The following DUSP14 variants were observed in gnomAD, a reference collection of about 807,000 sequenced individuals.
DUSP14 encodes dual specificity protein phosphatase 14.
In DUSP14, 5 loss-of-function variants were observed where a neutral mutation model predicts 13.2. The observed-to-expected ratio is 0.38, with a 90% confidence interval of 0.20 to 0.80. The LOEUF (loss-of-function observed/expected upper bound fraction) is 0.80. Ranked by LOEUF, DUSP14 falls within the 30% of genes least tolerant of loss-of-function variation. DUSP14 has a pLI of 0.44. For missense variants in DUSP14, 185 were observed against 264.0 expected, an observed-to-expected ratio of 0.70 and a Z score of 2.07; for synonymous variants, 91 against 103.4, an observed-to-expected ratio of 0.88 and a Z score of 0.73.
intron 1 of DUSP14, chr17:37,509,919 G>C (rs1029988305): frequency 8.0e-5 from 12 of 150,940 alleles, no homozygotes; most frequent in African/African-American, 3.0e-4. Context: ...AAAAAAACAC[G>C]ACAGGTCTGA....
At chr17:37,509,271 A>G (rs71382473) in intron 1 of DUSP14, among the ~76,000 whole-genome samples, 42,679 of 74,518 alleles carry the variant, frequency 0.57, 12,961 homozygotes, top group East Asian at 0.82. Flanking sequence ...ATATATATAT[A>G]TATATATATA....
chr17:37,500,060 G>C (rs911337773), intron 1 of DUSP14, among the ~76,000 whole-genome samples: 1 of 152,234 alleles, frequency 6.6e-6, no homozygotes, highest in African/African-American at 2.4e-5. Flanking sequence ...GCATGGGAGC[G>C]GGCATGGCCT....
chr17:37,501,769 G>A lies in DUSP14; in HGVS notation c.-180-8908G>A, dbSNP rs556013005. 5.9e-5 allele frequency among the ~76,000 whole-genome samples: 9 copies of A among 152,176 alleles called. No homozygotes were observed. The South Asian group carries it at 1.2e-3, about 21-fold the overall frequency. On this transcript the variant is annotated intron_variant, in intron 1 of 2. Coordinates refer to ENST00000617516, the MANE Select transcript of DUSP14 (RefSeq NM_007026.4). ...TGACCTCAGGCAATCTGCCTGCCTCGGCCTTCCAAAGTGCTGGGATTATAG... is the reference window on the plus strand; with the variant it reads ...TGACCTCAGGCAATCTGCCTGCCTCAGCCTTCCAAAGTGCTGGGATTATAG...
intron 1 of DUSP14, among the ~76,000 whole-genome samples, chr17:37,506,529 G>A (rs2054139146): frequency 6.6e-6 from 1 of 152,098 alleles, no homozygotes; most frequent in Non-Finnish European, 1.5e-5. Context: ...CCTGCAGTGG[G>A]ATGGCATGTT....
intron 1 of DUSP14, among the ~76,000 whole-genome samples, chr17:37,499,198 C>T (rs2054088960): frequency 6.6e-6 from 1 of 152,174 alleles, no homozygotes; most frequent in African/African-American, 2.4e-5. Context: ...TCAAAATCAC[C>T]AGAACAGCAT....
At chr17:37,497,425 G>A (rs2054073087) in intron 1 of DUSP14, among the ~76,000 whole-genome samples, 1 of 152,102 alleles carries the variant, frequency 6.6e-6, no homozygotes, top group Admixed American at 6.5e-5. Context: ...ACAGGCATGC[G>A]CTACCGCGCC....
At position 37,512,906 on chromosome 17, in the gene DUSP14, C is replaced by T. The variant is rs538511530; in HGVS notation, c.*37C>T. On this transcript the variant is annotated 3_prime_UTR_variant, in exon 3 of 3. Coordinates refer to ENST00000617516, the MANE Select transcript of DUSP14 (RefSeq NM_007026.4). This position sits in a 1 kb window ranked among gnomAD's most constrained non-coding sequence, Gnocchi z 4.8. ...CCTGCGTCAGCAGCCCGAGCGGGGC[C>T]GGCATCTGCTCCCCGCCGTCTGCTC... 3.1e-5 allele frequency: 47 copies of T among 1,534,098 alleles called. No homozygotes were observed. Among genetic ancestry groups the T allele is most frequent in the Admixed American group, 5.4e-5 (3 of 55,934 alleles).
rs1475307958 is a variant in DUSP14, at chr17:37,509,158, CACACACACACTCTA to C, written c.-180-1518_-180-1505del. The stretch of plus-strand genomic sequence containing the variant: ...ACACACACACACACACACACACACA[CACACACACACTCTA>C]TATATATATGTACTATGTATATGTG... On this transcript the variant is annotated intron_variant, in intron 1 of 2. Coordinates refer to ENST00000617516, the MANE Select transcript of DUSP14 (RefSeq NM_007026.4). Among the ~76,000 whole-genome samples the C allele has an allele frequency of 8.7e-4, 58 of 66,324 alleles. 6 individuals are homozygous for C. The highest frequency in any genetic ancestry group is 1.7e-3 in the Admixed American group (8 of 4,754). The allele number at this position is 66,324 out of a possible 152,430, so 43.5% of individuals were successfully genotyped here. A position where few individuals can be genotyped will look rare whatever the true frequency, so the allele number is the denominator to read the frequency against.
chr17:37,499,386 C>T (rs192324228), intron 1 of DUSP14, among the ~76,000 whole-genome samples: 30 of 152,216 alleles, frequency 2.0e-4, no homozygotes, highest in Admixed American at 1.9e-3. Context: ...TTGGCTCAGT[C>T]TGGAGTACAG....
chr17:37,509,447 A>G (rs1433514841), intron 1 of DUSP14, among the ~76,000 whole-genome samples: 2 of 149,710 alleles, frequency 1.3e-5, no homozygotes, highest in African/African-American at 4.9e-5. Context: ...CAGCCACCCA[A>G]GTAGCTGGGA....
In DUSP14 at chr17:37,512,315, G is replaced by A; in HGVS notation, c.43G>A (p.Ala15Thr). The A allele has an allele frequency of 2.5e-6, 4 of 1,613,680 alleles. No individual in the cohort carries two copies. The highest frequency in any genetic ancestry group is 1.3e-5 in the African/African-American group (1 of 74,982). ...CAGCACGCTACCAAGGACTCTCATG[G>A]CCCCTCGGATGATTTCCGAGGGAGA... ...GHSTLPRTLM[A>T]PRMISEGDIG... Residue 15 changes from alanine (A) to threonine (T), a missense_variant, in exon 3 of 3, where the codon GCC becomes ACC. Physicochemically the swap from Ala to Thr is moderately conservative, Grantham distance 58 (BLOSUM62 0). Coordinates refer to ENST00000617516, the MANE Select transcript of DUSP14 (RefSeq NM_007026.4). The surrounding 1 kb of genome is among the most constrained non-coding windows in gnomAD (Gnocchi z 4.8).
At chr17:37,490,242 G>A (rs1157205125) in intron 1 of DUSP14, among the ~76,000 whole-genome samples, 1 of 151,828 alleles carries the variant, frequency 6.6e-6, no homozygotes, top group Non-Finnish European at 1.5e-5. Flanking sequence ...CCGCCCCCGC[G>A]ACCCTGTCCC....
intron 1 of DUSP14, among the ~76,000 whole-genome samples, chr17:37,495,990 T>A (rs1048977322): frequency 6.6e-6 from 1 of 152,146 alleles, no homozygotes; most frequent in African/African-American, 2.4e-5. Context: ...CTTGTAAAAA[T>A]AAAATCTGGA....
chr17:37,508,141 C>T (rs80305856), intron 1 of DUSP14, among the ~76,000 whole-genome samples: 1 of 152,370 alleles, frequency 6.6e-6, no homozygotes, highest in African/African-American at 2.4e-5. Flanking sequence ...AGTGAGGAGG[C>T]AGCTCCCTTC....
chr17:37,508,334 C>T (rs568381658), intron 1 of DUSP14, among the ~76,000 whole-genome samples: 9 of 152,302 alleles, frequency 5.9e-5, no homozygotes, highest in East Asian at 1.9e-4. Context: ...TCTGGAGGGA[C>T]GGAATCAGAA....
rs538075106 is a variant in DUSP14, at chr17:37,494,355, T to C, written c.-181+4397T>C. Among the ~76,000 whole-genome samples, 6 of 152,302 alleles carry C rather than the reference T, an allele frequency of 3.9e-5. No homozygotes were observed. In the East Asian group the frequency reaches 9.6e-4, roughly 24 times the overall value. Reference sequence around the variant, plus strand: ...TTTGCCTGAGAAAGTAGAAGTAGCTTAGAGCAGAGTTTTTGTCGTTTTTGT... The same window carrying C: ...TTTGCCTGAGAAAGTAGAAGTAGCTCAGAGCAGAGTTTTTGTCGTTTTTGT... On this transcript the variant is annotated intron_variant, in intron 1 of 2. Transcript: ENST00000617516.
intron 2 of DUSP14, among the ~76,000 whole-genome samples, chr17:37,511,938 C>CTTTTTTTTTTTTTTTTTTTTTTT (rs58893696): frequency 1.0e-4 from 4 of 38,248 alleles, no homozygotes; most frequent in Admixed American, 4.7e-4. Flanking sequence ...CCCCACCCCA[C>CTTTTTTTTTTTTTTTTTTTTTTT]TTTTTTTTTT....
chr17:37,488,941 G>A (rs2148067362), upstream of DUSP14, among the ~76,000 whole-genome samples: 1 of 152,294 alleles, frequency 6.6e-6, no homozygotes, highest in South Asian at 2.1e-4. Flanking sequence ...TTGCAACGGC[G>A]AGGAGCAGGG....
chr17:37,509,275 A>G (rs1163143106), intron 1 of DUSP14, among the ~76,000 whole-genome samples: 33,259 of 60,960 alleles, frequency 0.55, 8,566 homozygotes, highest in East Asian at 0.73. Flanking sequence ...ATATATATAT[A>G]TATATATATA....
Sources: allele counts gnomAD v4.1 joint callset (sites outside exome capture counted in the v4.1 genomes callset), GRCh38; gene constraint gnomAD v4.1.1; non-coding constraint Gnocchi (gnomAD v3.1); transcripts MANE v1.5; gene names NCBI Gene and HGNC (gene_info 2026-07-23, HGNC 2026-07-21).